ZFHX3: variants seen among roughly 807,000 people sequenced by gnomAD.
ZFHX3 encodes the protein zinc finger homeobox protein 3.
Under a neutral mutation model 279.1 loss-of-function variants are expected in ZFHX3, and 42 were observed. The observed-to-expected ratio is 0.15, with a 90% CI of 0.12 to 0.19. ZFHX3 has a LOEUF of 0.19. Among genes scored for constraint, ZFHX3 ranks in the 10% least tolerant of loss-of-function variants. The probability of loss-of-function intolerance (pLI) is 1.00; values close to 1 mark genes in which losing one functional copy is unlikely to be tolerated. For synonymous variants in ZFHX3, 2,293 were observed against 1,957.8 expected (o/e 1.17, Z -4.52); for missense variants, 4,981 against 4,754.0 (o/e 1.05, Z -1.40).
At chr16:72,890,023 TCAGC>T in intron 3 of ZFHX3, 61 bp from the exon 4 acceptor site, 8 of 1,468,018 alleles carry the variant, frequency 5.4e-6, no homozygotes, top group South Asian at 3.8e-5. Flanking sequence ...GCCACTGGCA[TCAGC>T]CCACACCATC....
intron 7 of ZFHX3, among the ~76,000 whole-genome samples, chr16:73,118,295 A>G (rs912498674): frequency 6.6e-6 from 1 of 152,164 alleles, no homozygotes; most frequent in African/African-American, 2.4e-5. Flanking sequence ...TGCAACCTCC[A>G]ACTCCTAGGT....
chr16:73,665,543 T>C (rs1174576978), intron 2 of ZFHX3, among the ~76,000 whole-genome samples: 1 of 151,780 alleles, frequency 6.6e-6, no homozygotes, highest in Non-Finnish European at 1.5e-5. Context: ...AAGAGGATGC[T>C]GAGACCCAGG....
At chr16:72,922,165 C>T (rs1206054673) in intron 3 of ZFHX3, among the ~76,000 whole-genome samples, 1 of 152,198 alleles carries the variant, frequency 6.6e-6, no homozygotes, top group Non-Finnish European at 1.5e-5. Flanking sequence ...CTCCTGGGTT[C>T]TTGCGGAGAA....
chr16:72,812,245 A>C (rs2036478665), intron 5 of ZFHX3, among the ~76,000 whole-genome samples: 1 of 152,198 alleles, frequency 6.6e-6, no homozygotes, highest in Admixed American at 6.5e-5. Flanking sequence ...TTCTGTCACT[A>C]CTTTAACAAC....
At chr16:72,969,399 G>A (rs2144503292) in intron 1 of ZFHX3, among the ~76,000 whole-genome samples, 1 of 152,174 alleles carries the variant, frequency 6.6e-6, no homozygotes. Context: ...GTTTCCCCGT[G>A]ACACTCATGA....
At chr16:72,907,992 C>T (rs564896665) in intron 3 of ZFHX3, among the ~76,000 whole-genome samples, 1 of 152,164 alleles carries the variant, frequency 6.6e-6, no homozygotes, top group African/African-American at 2.4e-5. Context: ...CCCTGCTCCT[C>T]CAAATTCTAT....
chr16:72,851,434 C>A (rs2037615019), intron 4 of ZFHX3, among the ~76,000 whole-genome samples: 1 of 152,204 alleles, frequency 6.6e-6, no homozygotes, highest in African/African-American at 2.4e-5. Context: ...TGGGTTCTTG[C>A]AACGGCAAAA....
At chr16:73,886,780 C>T (rs1025336779) in intron 1 of ZFHX3, among the ~76,000 whole-genome samples, 2 of 152,110 alleles carry the variant, frequency 1.3e-5, no homozygotes, top group African/African-American at 2.4e-5. Context: ...GATAAACAAA[C>T]AGTGTATTAA....
chr16:73,295,443 AATTTGTGC>A (rs1211149900), intron 4 of ZFHX3, among the ~76,000 whole-genome samples: 6 of 152,172 alleles, frequency 3.9e-5, no homozygotes, highest in Non-Finnish European at 7.4e-5. Context: ...TTAAAGGTTT[AATTTGTGC>A]ATTTGTGCAT....
intron 1 of ZFHX3, among the ~76,000 whole-genome samples, chr16:73,782,950 G>C (rs1386040569): frequency 6.6e-6 from 1 of 152,140 alleles, no homozygotes; most frequent in Non-Finnish European, 1.5e-5. Context: ...TAACTCAATA[G>C]GTGAAAACTT....
chr16:72,951,220 A>T (rs76696160), intron 2 of ZFHX3, among the ~76,000 whole-genome samples: 1 of 151,648 alleles, frequency 6.6e-6, no homozygotes, highest in Admixed American at 6.6e-5. Flanking sequence ...GGAAAAGAAC[A>T]CCTAGAAAAG....
chr16:73,432,752 AG>A (rs1477016072), intron 3 of ZFHX3, among the ~76,000 whole-genome samples: 2 of 150,836 alleles, frequency 1.3e-5, no homozygotes, highest in African/African-American at 2.4e-5. Context: ...TGATCCTAAG[AG>A]CATCTTAGAA....
At chr16:73,683,876 T>C (rs551910389) in intron 1 of ZFHX3, among the ~76,000 whole-genome samples, 14 of 152,236 alleles carry the variant, frequency 9.2e-5, no homozygotes, top group African/African-American at 3.1e-4. Flanking sequence ...GGTCATAAAC[T>C]TCTTCTGTAA....
intron 3 of ZFHX3, among the ~76,000 whole-genome samples, chr16:73,405,100 A>T (rs896948761): frequency 6.6e-6 from 1 of 152,110 alleles, no homozygotes; most frequent in Non-Finnish European, 1.5e-5. Flanking sequence ...CCTCTAGATA[A>T]CTCAGGAAGG....
chr16:73,610,574 T>C lies in ZFHX3; in HGVS notation c.-1547+69606A>G, dbSNP rs2052235490. On this transcript the variant is annotated intron_variant, in intron 2 of 17. Transcript: ENST00000641206. ...ACAAACAGTCTGTTAACTGAAACAC[T>C]ACATTAAAGGATAAACTTCTTAGCA... Among the ~76,000 whole-genome samples, 5 of 152,344 alleles carry C rather than the reference T, an allele frequency of 3.3e-5. No homozygotes were observed. The South Asian group carries it at 1.0e-3, about 32-fold the overall frequency.
Position 72,787,396 on chromosome 16 carries a change from GCT to G in ZFHX3, c.10878_10879del (p.Ala3627GlufsTer38), listed in dbSNP as rs2035441126. The G allele has an allele frequency of 6.2e-7, 1 of 1,602,960 alleles. No individual in the cohort carries two copies. Among genetic ancestry groups the G allele is most frequent in the Admixed American group, 1.7e-5 (1 of 59,326 alleles). ...GAGAGGAGGAAAAGAAGGGGGCTTC[GCT>G]GCCGAAGCCCGGGAGACCACTTGCG... On this transcript the variant is annotated frameshift_variant, in exon 10 of 10. Transcript: ENST00000268489. LOFTEE classifies it high-confidence loss of function.
intron 5 of ZFHX3, among the ~76,000 whole-genome samples, chr16:73,178,270 T>A (rs1967711309): frequency 6.6e-6 from 1 of 151,774 alleles, no homozygotes; most frequent in African/African-American, 2.4e-5. Flanking sequence ...CCTGAGTAGC[T>A]AGGATTACAG....
chr16:73,877,204 G>GT lies in ZFHX3; in HGVS notation c.-1608+14446_-1608+14447insA, dbSNP rs944768182. Among the ~76,000 whole-genome samples the GT allele has an allele frequency of 1.2e-3, 165 of 139,750 alleles. 2 individuals carry two copies. Among genetic ancestry groups the GT allele is most frequent in the Middle Eastern group, 7.1e-3 (2 of 280 alleles). The allele number at this position is 139,750 out of a possible 152,430, so 91.7% of individuals were successfully genotyped here. A position where few individuals can be genotyped will look rare whatever the true frequency, so the allele number is the denominator to read the frequency against. On this transcript the variant is annotated intron_variant, in intron 1 of 17. Transcript: ENST00000641206. ...TGGTTGGGTTCGGGGGGTTAGGTCG[G>GT]GGGGGGGTCCCAGGCACTTGCTTCC...
At chr16:73,199,177 A>C (rs1968217774) in intron 5 of ZFHX3, among the ~76,000 whole-genome samples, 1 of 152,218 alleles carries the variant, frequency 6.6e-6, no homozygotes, top group Non-Finnish European at 1.5e-5. Context: ...TTGCTAACGT[A>C]TGATCAGAAA....
Sources: gnomAD v4.1 joint callset for allele counts (sites outside exome capture counted in the v4.1 genomes callset) on GRCh38, gnomAD v4.1.1 for gene constraint, MANE v1.5 for transcripts, NCBI Gene and HGNC (gene_info 2026-07-23, HGNC 2026-07-21) for gene names.